Variants in ALK observed in about 807,000 individuals in gnomAD.
ALK encodes the protein ALK receptor tyrosine kinase.
A neutral mutation model predicts 163.1 loss-of-function variants in ALK; 74 were observed. That is an observed-to-expected ratio of 0.45 (90% CI 0.38 to 0.55). The LOEUF (loss-of-function observed/expected upper bound fraction) is 0.55, where lower values mean the gene tolerates loss of function less well. Among genes scored for constraint, ALK ranks in the 20% least tolerant of loss-of-function variants. ALK has a pLI of 0.00. For synonymous variants in ALK, 960 were observed against 843.2 expected (o/e 1.14, Z -2.40); for missense variants, 2,063 against 2,105.3 (o/e 0.98, Z 0.39).
At chr2:29,918,159 T>C (rs958859633) in intron 1 of ALK, among the ~76,000 whole-genome samples, 6 of 152,244 alleles carry the variant, frequency 3.9e-5, no homozygotes, top group African/African-American at 1.4e-4. Flanking sequence ...GCAACCTACC[T>C]GTTTACAGTT....
At chr2:29,247,431 G>T (rs1356564143) in intron 12 of ALK, among the ~76,000 whole-genome samples, 1 of 152,246 alleles carries the variant, frequency 6.6e-6, no homozygotes, top group East Asian at 1.9e-4. Context: ...CTCAGAGGAA[G>T]GGGTAAGTCC....
chr2:29,640,380 T>C (rs1225315898), intron 3 of ALK, among the ~76,000 whole-genome samples: 1 of 151,888 alleles, frequency 6.6e-6, no homozygotes, highest in East Asian at 1.9e-4. Flanking sequence ...GGTGAGTGAG[T>C]TCTCATGAGC....
intron 5 of ALK, among the ~76,000 whole-genome samples, chr2:29,362,829 C>A (rs1668416181): frequency 6.6e-6 from 1 of 152,106 alleles, no homozygotes; most frequent in Non-Finnish European, 1.5e-5. Context: ...AGGTACAATC[C>A]CCACTCCCAA....
chr2:29,917,080 A>G (rs1447225474), intron 1 of ALK, among the ~76,000 whole-genome samples: 1 of 152,206 alleles, frequency 6.6e-6, no homozygotes, highest in Non-Finnish European at 1.5e-5. Context: ...CCCAAATCAC[A>G]AGCAATGCAA....
Position 29,529,723 on chromosome 2 carries a change from T to C in ALK, c.1154+2192A>G, listed in dbSNP as rs891587355. ...CCACCTTCTACCCTCACCACACAGA[T>C]CTCATGGGAGGTGAGGAGGCTGGTC... On this transcript the variant is annotated intron_variant, in intron 4 of 28. Coordinates refer to ENST00000389048, the MANE Select transcript of ALK (RefSeq NM_004304.5). Among the ~76,000 whole-genome samples the C allele has an allele frequency of 7.9e-5, 12 of 152,170 alleles. No homozygotes were observed. In the East Asian group the frequency reaches 1.5e-3, roughly 20 times the overall value.
intron 4 of ALK, among the ~76,000 whole-genome samples, chr2:29,431,486 A>T (rs372512525): frequency 2.0e-5 from 3 of 152,186 alleles, no homozygotes; most frequent in African/African-American, 7.2e-5. Flanking sequence ...ATTTATAATG[A>T]CTTATTCTAG....
chr2:29,852,787 T>G (rs1028039497), intron 1 of ALK, among the ~76,000 whole-genome samples: 1 of 151,810 alleles, frequency 6.6e-6, no homozygotes, highest in African/African-American at 2.4e-5. Flanking sequence ...GGAGCCCTCA[T>G]GAATGGGATT....
At chr2:29,400,154 C>G (rs1452409732) in intron 4 of ALK, among the ~76,000 whole-genome samples, 2 of 152,152 alleles carry the variant, frequency 1.3e-5, no homozygotes, top group Non-Finnish European at 2.9e-5. Flanking sequence ...TACATCATCT[C>G]ATTTAAAAGA....
intron 3 of ALK, among the ~76,000 whole-genome samples, chr2:29,589,644 A>G (rs1004913696): frequency 2.6e-5 from 4 of 152,228 alleles, no homozygotes; most frequent in Non-Finnish European, 4.4e-5. Context: ...TGACCGGACA[A>G]CAATATCCAA....
At chr2:29,569,231 C>T (rs1215920040) in intron 3 of ALK, among the ~76,000 whole-genome samples, 1 of 152,134 alleles carries the variant, frequency 6.6e-6, no homozygotes, top group African/African-American at 2.4e-5. Context: ...TCCTTTCATT[C>T]ACCCTTAGAG....
At chr2:29,901,001 GCAAGCAAGCA>G (rs1667402138) in intron 1 of ALK, among the ~76,000 whole-genome samples, 2 of 138,898 alleles carry the variant, frequency 1.4e-5, no homozygotes, top group African/African-American at 6.7e-5. Context: ...GAGAGAGCAA[GCAAGCAAGCA>G]AGCAAGCAAG....
chr2:29,500,438 A>G (rs1329863066), intron 4 of ALK, among the ~76,000 whole-genome samples: 2 of 152,190 alleles, frequency 1.3e-5, no homozygotes, highest in Non-Finnish European at 2.9e-5. Context: ...AGTGGAAGCT[A>G]CTATACTTCC....
chr2:29,555,097 C>A (rs1673812804), intron 3 of ALK, among the ~76,000 whole-genome samples: 2 of 152,160 alleles, frequency 1.3e-5, no homozygotes, highest in Non-Finnish European at 2.9e-5. Flanking sequence ...TTCTTTTATT[C>A]TTCTACTTTC....
chr2:29,261,529 T>C (rs1168348868), intron 11 of ALK, among the ~76,000 whole-genome samples: 1 of 152,206 alleles, frequency 6.6e-6, no homozygotes, highest in Non-Finnish European at 1.5e-5. Context: ...AGCCCTCACC[T>C]GCATTTCTCT....
chr2:29,734,442 G>A (rs1179016995), intron 1 of ALK, among the ~76,000 whole-genome samples: 1 of 152,246 alleles, frequency 6.6e-6, no homozygotes, highest in East Asian at 1.9e-4. Flanking sequence ...TCATTAATCA[G>A]ATGGCACGGA....
chr2:29,320,804 G>A lies in ALK; in HGVS notation c.1493C>T (p.Thr498Ile). 6.2e-7 allele frequency: 1 copy of A among 1,614,140 alleles called. No individual in the cohort carries two copies. Among genetic ancestry groups the A allele is most frequent in the Non-Finnish European group, 8.5e-7 (1 of 1,179,980 alleles). The change falls in exon 7 of 29, where the codon ACT becomes ATT. Residue 498 changes from threonine (T) to isoleucine (I), a missense_variant. Physicochemically the swap from Thr to Ile is moderately conservative, Grantham distance 89 (BLOSUM62 -1). Coordinates refer to ENST00000389048, the MANE Select transcript of ALK (RefSeq NM_004304.5). ...GWTQGTLSPH[T>I]PQWQVRTLKD... ...TAGGGTCCTGACCTGCCATTGAGGA[G>A]TGTGGGGTGACAGTGTGCCTTGGGT...
chr2:29,482,654 T>C (rs906001486), intron 4 of ALK, among the ~76,000 whole-genome samples: 2 of 152,154 alleles, frequency 1.3e-5, no homozygotes, highest in African/African-American at 4.8e-5. Flanking sequence ...GAAGTGAGTA[T>C]TGTTGGTACA....
At chr2:29,582,236 G>C (rs963477193) in intron 3 of ALK, among the ~76,000 whole-genome samples, 1 of 152,162 alleles carries the variant, frequency 6.6e-6, no homozygotes, top group African/African-American at 2.4e-5. Context: ...AGAGGGAAAC[G>C]GCCTTCCTGC....
At chr2:29,676,174 C>G (rs890157581) in intron 3 of ALK, among the ~76,000 whole-genome samples, 16 of 152,054 alleles carry the variant, frequency 1.1e-4, no homozygotes, top group African/African-American at 3.9e-4. Context: ...CTAATGGTGT[C>G]TTTTAGAACA....
Sources: allele counts gnomAD v4.1 joint callset (sites outside exome capture counted in the v4.1 genomes callset), GRCh38; gene constraint gnomAD v4.1.1; transcripts MANE v1.5; gene names NCBI Gene and HGNC (gene_info 2026-07-23, HGNC 2026-07-21).